Variants in JARID2 observed in about 807,000 individuals in gnomAD.
JARID2 encodes the protein jumonji and AT-rich interaction domain containing 2.
A neutral mutation model predicts 125.6 loss-of-function variants in JARID2; 21 were observed. That is an observed-to-expected ratio of 0.17 (90% CI 0.12 to 0.24). The LOEUF (loss-of-function observed/expected upper bound fraction) is 0.24. Among genes scored for constraint, JARID2 ranks in the 10% least tolerant of loss-of-function variants. JARID2 has a pLI of 1.00. For synonymous variants in JARID2, 736 were observed against 661.6 expected (o/e 1.11, Z -1.73); for missense variants, 1,303 against 1,639.6 (o/e 0.79, Z 3.55).
rs534732319 is a variant in JARID2, at chr6:15,322,742, G to C, written c.46-51375G>C. On this transcript the variant is annotated intron_variant, in intron 1 of 17. Transcript: ENST00000341776. ...AGGGAGCCAGCAGCTCATTTTGGGG[G>C]TGATGTTTTGTATGAGAAGTTGGTG... Among the ~76,000 whole-genome samples, 13 of 152,286 alleles carry C rather than the reference G, an allele frequency of 8.5e-5. No homozygotes were observed. The South Asian group carries it at 2.7e-3, about 32-fold the overall frequency.
chr6:15,481,780 T>C (rs979776050), intron 5 of JARID2, among the ~76,000 whole-genome samples: 2 of 152,238 alleles, frequency 1.3e-5, no homozygotes, highest in African/African-American at 2.4e-5. Flanking sequence ...GAAAGTTAAT[T>C]TGATTCAGTT....
chr6:15,261,574 C>A (rs190908518), intron 1 of JARID2, among the ~76,000 whole-genome samples: 147 of 152,238 alleles, frequency 9.7e-4, no homozygotes, highest in South Asian at 7.1e-3. Flanking sequence ...CCCGCCTTGG[C>A]CTCCCAAAGT....
At chr6:15,438,627 T>C (rs373536492) in intron 3 of JARID2, among the ~76,000 whole-genome samples, 1 of 152,230 alleles carries the variant, frequency 6.6e-6, no homozygotes, top group Non-Finnish European at 1.5e-5. Context: ...GCAAATGTTA[T>C]CCTTTCTCTT....
chr6:15,373,540 T>C (rs983228487), intron 1 of JARID2, among the ~76,000 whole-genome samples: 9 of 152,232 alleles, frequency 5.9e-5, no homozygotes, highest in African/African-American at 2.2e-4. Flanking sequence ...GTTGCCTCCT[T>C]CTGCAGTACT....
chr6:15,287,160 CA>C, intron 1 of JARID2, among the ~76,000 whole-genome samples: 1 of 152,040 alleles, frequency 6.6e-6, no homozygotes, highest in Non-Finnish European at 1.5e-5. Flanking sequence ...AACAAACAAA[CA>C]AAAAAACCCC....
At chr6:15,376,512 T>A (rs1764360928) in intron 2 of JARID2, among the ~76,000 whole-genome samples, 1 of 152,070 alleles carries the variant, frequency 6.6e-6, no homozygotes, top group Admixed American at 6.5e-5. Context: ...GCCCAGGAGT[T>A]CGAGACCAGC....
intron 3 of JARID2, among the ~76,000 whole-genome samples, chr6:15,448,872 A>T (rs2127634159): frequency 6.6e-6 from 1 of 152,176 alleles, no homozygotes; most frequent in East Asian, 1.9e-4. Flanking sequence ...CTGCAGTTTG[A>T]TGGAATGATT....
At chr6:15,253,384 A>G (rs1325894897) in intron 1 of JARID2, among the ~76,000 whole-genome samples, 1 of 152,120 alleles carries the variant, frequency 6.6e-6, no homozygotes, top group Non-Finnish European at 1.5e-5. Context: ...TTTAAAATGC[A>G]GTTCTGATTC....
At position 15,520,283 on chromosome 6, in the gene JARID2, AT is replaced by A; in HGVS notation, c.*39del. 3 of 1,500,780 alleles carry A rather than the reference AT, an allele frequency of 2.0e-6. No individual in the cohort carries two copies. The highest frequency in any genetic ancestry group is 2.4e-5 in the East Asian group (1 of 41,372). 93.0% of individuals were successfully genotyped at this position (1,500,780 alleles called of 1,614,324 possible). A position where few individuals can be genotyped will look rare whatever the true frequency, so the allele number is the denominator to read the frequency against. Reference sequence around the variant, plus strand: ...CAACGCCCGTGGTCGATTTATATATATTTTTTTGTAATTATTATATTCTAGT... The same window carrying A: ...CAACGCCCGTGGTCGATTTATATATATTTTTTGTAATTATTATATTCTAGT... On this transcript the variant is annotated 3_prime_UTR_variant, in exon 18 of 18. Coordinates refer to ENST00000341776, the MANE Select transcript of JARID2 (RefSeq NM_004973.4).
intron 3 of JARID2, among the ~76,000 whole-genome samples, chr6:15,426,929 T>TGGGG (rs35710386): frequency 2.3e-4 from 35 of 152,146 alleles, no homozygotes; most frequent in Non-Finnish European, 4.1e-4. Flanking sequence ...GCCTGAGTAA[T>TGGGG]GGGGGGTACA....
chr6:15,476,891 G>C (rs1031641752), intron 5 of JARID2, among the ~76,000 whole-genome samples: 2 of 152,168 alleles, frequency 1.3e-5, no homozygotes, highest in Non-Finnish European at 2.9e-5. Context: ...TTTTCCAGGG[G>C]GTAAGTGAGG....
chr6:15,414,764 GT>G (rs577943971), intron 3 of JARID2, among the ~76,000 whole-genome samples: 29 of 147,144 alleles, frequency 2.0e-4, no homozygotes, highest in East Asian at 6.0e-4. Context: ...GGGTGAGATT[GT>G]TTTTTTTTTA....
intron 1 of JARID2, among the ~76,000 whole-genome samples, chr6:15,290,584 A>G (rs911071801): frequency 1.3e-5 from 2 of 152,108 alleles, no homozygotes; most frequent in Non-Finnish European, 2.9e-5. Flanking sequence ...GCCAGAATCA[A>G]TCTCATGTGA....
At chr6:15,307,890 G>A (rs541534692) in intron 1 of JARID2, among the ~76,000 whole-genome samples, 8 of 152,310 alleles carry the variant, frequency 5.3e-5, no homozygotes, top group South Asian at 2.1e-4. Flanking sequence ...AAGAAATACA[G>A]ACTCCCAGCC....
chr6:15,306,838 T>C (rs1461919665), intron 1 of JARID2, among the ~76,000 whole-genome samples: 2 of 150,402 alleles, frequency 1.3e-5, no homozygotes, highest in Non-Finnish European at 3.0e-5. Flanking sequence ...GCTTATTTTT[T>C]TTCCTGACCT....
intron 3 of JARID2, among the ~76,000 whole-genome samples, chr6:15,446,310 AG>A (rs1767668902): frequency 6.6e-6 from 1 of 152,208 alleles, no homozygotes; most frequent in Non-Finnish European, 1.5e-5. Flanking sequence ...TACCAACAGA[AG>A]GGCAGAGCAA....
chr6:15,466,263 A>G (rs1038961788), intron 4 of JARID2, among the ~76,000 whole-genome samples: 3 of 152,178 alleles, frequency 2.0e-5, no homozygotes, highest in African/African-American at 7.2e-5. Flanking sequence ...TTCCTTCTGA[A>G]AAATGGTTGA....
At chr6:15,263,872 C>T (rs575944342) in intron 1 of JARID2, among the ~76,000 whole-genome samples, 7 of 152,292 alleles carry the variant, frequency 4.6e-5, no homozygotes, top group Admixed American at 2.0e-4. Context: ...GGATTACAGG[C>T]GTGAGCCACC....
intron 1 of JARID2, among the ~76,000 whole-genome samples, chr6:15,281,293 G>A (rs1200837249): frequency 6.6e-6 from 1 of 152,242 alleles, no homozygotes; most frequent in East Asian, 1.9e-4. Flanking sequence ...CACACTGGCT[G>A]TGTCTCACTC....
Sources: gnomAD v4.1 joint callset for allele counts (sites outside exome capture counted in the v4.1 genomes callset) on GRCh38, gnomAD v4.1.1 for gene constraint, MANE v1.5 for transcripts, NCBI Gene and HGNC (gene_info 2026-07-23, HGNC 2026-07-21) for gene names.